GRIK4: variants seen among roughly 807,000 people sequenced by gnomAD.
GRIK4 encodes the protein glutamate receptor ionotropic, kainate 4.
A neutral mutation model predicts 104.9 loss-of-function variants in GRIK4; 40 were observed. The observed-to-expected ratio is 0.38, with a 90% CI of 0.30 to 0.50. The LOEUF is 0.50. Among genes scored for constraint, GRIK4 ranks in the 20% least tolerant of loss-of-function variants. GRIK4 has a pLI of 0.93. For missense variants in GRIK4, 1,047 were observed against 1,308.1 expected (o/e 0.80, Z 3.08); for synonymous variants, 485 against 524.9 (o/e 0.92, Z 1.04).
chr11:120,658,680 T>G (rs927856194), intron 2 of GRIK4, among the ~76,000 whole-genome samples: 1 of 150,436 alleles, frequency 6.6e-6, no homozygotes, highest in Non-Finnish European at 1.5e-5. Flanking sequence ...TTCAAGCCTT[T>G]GCCCATTTTC....
At chr11:120,932,592 A>G (rs1025267566) in intron 13 of GRIK4, among the ~76,000 whole-genome samples, 1 of 152,192 alleles carries the variant, frequency 6.6e-6, no homozygotes, top group Non-Finnish European at 1.5e-5. Flanking sequence ...AGCCTTTTCA[A>G]TATACAGGGG....
At chr11:120,969,264 A>G (rs1178413150) in intron 19 of GRIK4, among the ~76,000 whole-genome samples, 1 of 152,122 alleles carries the variant, frequency 6.6e-6, no homozygotes, top group Non-Finnish European at 1.5e-5. Flanking sequence ...TGTTCAGAGT[A>G]AAAGAAAATG....
chr11:120,671,338 A>G (rs934449252), intron 3 of GRIK4, among the ~76,000 whole-genome samples: 3 of 152,132 alleles, frequency 2.0e-5, no homozygotes, highest in African/African-American at 7.2e-5. Flanking sequence ...AAGCATTACT[A>G]TTTCTCCACA....
chr11:120,620,013 T>TC, intron 1 of GRIK4: 3 of 521,968 alleles, frequency 5.7e-6, no homozygotes, highest in Non-Finnish European at 1.1e-5. Context: ...TCGGTGGAGC[T>TC]GTTAGCGTAG....
chr11:120,597,932 C>T (rs1167180461), intron 1 of GRIK4, among the ~76,000 whole-genome samples: 6 of 152,072 alleles, frequency 3.9e-5, no homozygotes, highest in Non-Finnish European at 2.9e-5. Context: ...TGAATAAAGA[C>T]GTCATGTTTT....
intron 19 of GRIK4, among the ~76,000 whole-genome samples, chr11:120,976,926 A>G (rs1944569756): frequency 6.6e-6 from 1 of 152,214 alleles, no homozygotes; most frequent in Non-Finnish European, 1.5e-5. Context: ...ACATGAGTGT[A>G]CCTGAATCCA....
intron 1 of GRIK4, among the ~76,000 whole-genome samples, chr11:120,630,595 C>A (rs1024164736): frequency 2.6e-5 from 4 of 152,204 alleles, no homozygotes; most frequent in Non-Finnish European, 4.4e-5. Context: ...GGTGGCTGGA[C>A]CCCCTCTCAG....
chr11:120,586,383 C>T (rs945722416), intron 1 of GRIK4, among the ~76,000 whole-genome samples: 5 of 151,914 alleles, frequency 3.3e-5, no homozygotes, highest in African/African-American at 4.8e-5. Flanking sequence ...GGAGGACAGG[C>T]GATGAGGCTG....
chr11:120,581,381 A>G (rs776319685), intron 1 of GRIK4, among the ~76,000 whole-genome samples: 13 of 152,260 alleles, frequency 8.5e-5, no homozygotes, highest in South Asian at 6.2e-4. Flanking sequence ...TTGATGGTCC[A>G]GATTTTGTAG....
chr11:120,755,924 G>A (rs1005238280), intron 3 of GRIK4, among the ~76,000 whole-genome samples: 13 of 152,300 alleles, frequency 8.5e-5, no homozygotes, highest in East Asian at 5.8e-4. Flanking sequence ...GTAACTTGGG[G>A]AGGTTAAGTG....
chr11:120,859,436 C>A (rs765690341), intron 8 of GRIK4: 2 of 152,250 alleles, frequency 1.3e-5, no homozygotes, highest in African/African-American at 4.8e-5. Context: ...TATATCACCC[C>A]AGCTGCCACT....
intron 3 of GRIK4, among the ~76,000 whole-genome samples, chr11:120,799,037 G>A (rs918461579): frequency 2.0e-5 from 3 of 152,176 alleles, no homozygotes; most frequent in East Asian, 1.9e-4. Flanking sequence ...TGGTGCAGGC[G>A]TAATTGTGGC....
chr11:120,703,185 T>G (rs1950579844), intron 3 of GRIK4, among the ~76,000 whole-genome samples: 1 of 152,188 alleles, frequency 6.6e-6, no homozygotes, highest in Admixed American at 6.5e-5. Context: ...GCATTTGACT[T>G]AAATTCATCT....
At chr11:120,816,354 C>T (rs917124677) in intron 5 of GRIK4, among the ~76,000 whole-genome samples, 1 of 152,022 alleles carries the variant, frequency 6.6e-6, no homozygotes, top group Non-Finnish European at 1.5e-5. Context: ...CCAGCCAGGT[C>T]CTTAGGGGGC....
intron 6 of GRIK4, among the ~76,000 whole-genome samples, chr11:120,822,211 C>CAAAAAA (rs34732807): frequency 8.4e-5 from 6 of 71,640 alleles, no homozygotes; most frequent in African/African-American, 2.9e-4. Flanking sequence ...AACCCTATCT[C>CAAAAAA]AAAAAAAAAA....
rs1247349222 is a variant in GRIK4, at chr11:120,898,645, T to G, written c.1272+6T>G. 1 of 1,528,534 alleles carries G rather than the reference T, an allele frequency of 6.5e-7. No individual in the cohort carries two copies. Among genetic ancestry groups the G allele is most frequent in the Non-Finnish European group, 9.1e-7 (1 of 1,101,926 alleles). The allele number at this position is 1,528,534 out of a possible 1,614,324, so 94.7% of individuals were successfully genotyped here. A position where few individuals can be genotyped will look rare whatever the true frequency, so the allele number is the denominator to read the frequency against. On this transcript the variant is annotated splice_donor_region_variant and intron_variant, in intron 12 of 20. Coordinates refer to ENST00000527524, the MANE Select transcript of GRIK4 (RefSeq NM_014619.5). The stretch of plus-strand genomic sequence containing the variant: ...TGGTCGTCACCACCATCCTGGTAAG[T>G]GGGCTCTCCTAGGCTCCCAGCTGCA...
At chr11:120,528,301 T>TG (rs1947882527) in intron 1 of GRIK4, among the ~76,000 whole-genome samples, 2 of 152,176 alleles carry the variant, frequency 1.3e-5, no homozygotes, top group Admixed American at 1.3e-4. Context: ...TTAATAGAGA[T>TG]GGGGTTTCAC....
At chr11:120,528,992 C>T (rs1474589928) in intron 1 of GRIK4, among the ~76,000 whole-genome samples, 1 of 152,154 alleles carries the variant, frequency 6.6e-6, no homozygotes, top group Non-Finnish European at 1.5e-5. Flanking sequence ...CTCCCTGCCT[C>T]AGGACCTTTG....
At chr11:120,827,783 A>G (rs557784649) in intron 6 of GRIK4, among the ~76,000 whole-genome samples, 4 of 152,208 alleles carry the variant, frequency 2.6e-5, no homozygotes, top group Non-Finnish European at 5.9e-5. Flanking sequence ...TCGACTTTCC[A>G]TCCACTGGTT....
Sources: allele counts gnomAD v4.1 joint callset (sites outside exome capture counted in the v4.1 genomes callset), GRCh38; gene constraint gnomAD v4.1.1; transcripts MANE v1.5; gene names NCBI Gene and HGNC (gene_info 2026-07-23, HGNC 2026-07-21).